The following ATP1B4 variants were observed in gnomAD, a reference collection of about 807,000 sequenced individuals.
ATP1B4 encodes ATPase Na+/K+ transporting family member beta 4.
Under a neutral mutation model 29.6 loss-of-function variants are expected in ATP1B4, and 32 were observed. That is an observed-to-expected ratio of 1.08 (90% CI 0.82 to 1.45). The LOEUF is 1.45. Ranked by LOEUF, ATP1B4 falls within the 40% of genes most tolerant of loss-of-function variation. The pLI is 0.00. For synonymous variants in ATP1B4, 127 were observed against 102.1 expected, an observed-to-expected ratio of 1.24 and a Z score of -1.47; for missense variants, 323 against 276.2, an observed-to-expected ratio of 1.17 and a Z score of -1.20.
rs775155962 is a variant in ATP1B4, at chrX:120,376,438, TA to T, written c.816+5del. 1.4e-5 allele frequency: 17 copies of T among 1,205,684 alleles called. No homozygotes were observed. Among genetic ancestry groups the T allele is most frequent in the Non-Finnish European group, 1.8e-5 (16 of 890,074 alleles). ...GTGAAGGTTTCCTGCAAAGTTCAGGTAAAGAGTCCTTTTGAGTAAGCATTGT... is the reference window on the plus strand; with the variant it reads ...GTGAAGGTTTCCTGCAAAGTTCAGGTAAGAGTCCTTTTGAGTAAGCATTGT... On this transcript the variant is annotated splice_donor_region_variant and intron_variant, in intron 6 of 7. Transcript: ENST00000218008.
intron 4 of ATP1B4, among the ~76,000 whole-genome samples, chrX:120,373,350 C>T (rs2058323548): frequency 8.9e-6 from 1 of 112,400 alleles, no homozygotes; most frequent in South Asian, 3.7e-4. Context: ...AAAATAAAGG[C>T]ATAGCCATAT....
At chrX:120,379,281 T>C (rs1245817205) in intron 7 of ATP1B4, among the ~76,000 whole-genome samples, 192 bp from the exon 8 acceptor site, 2 of 111,781 alleles carry the variant, frequency 1.8e-5, no homozygotes, top group Admixed American at 9.5e-5. Context: ...AGTGACTTGT[T>C]AGAGAAATGT....
chrX:120,377,985 G>A (rs1444880934), intron 6 of ATP1B4, among the ~76,000 whole-genome samples: 2 of 111,993 alleles, frequency 1.8e-5, no homozygotes, highest in East Asian at 5.6e-4. Context: ...ATGTATCACA[G>A]AATGGGCAGC....
In ATP1B4 at chrX:120,381,143, A is replaced by T. The variant is rs921057131; in HGVS notation, c.*1509A>T. The T allele has an allele frequency of 1.6e-4, 18 of 112,405 alleles. No individual in the cohort carries two copies. Among genetic ancestry groups the T allele is most frequent in the African/African-American group, 5.8e-4 (18 of 30,932 alleles). The allele number at this position is 112,405 out of a possible 1,213,427, so 9.3% of individuals were successfully genotyped here. On this transcript the variant is annotated 3_prime_UTR_variant, in exon 8 of 8. Coordinates refer to ENST00000218008, the MANE Select transcript of ATP1B4 (RefSeq NM_001142447.3). ...GTTTAATGAGAGTTAAAAAACTAGT[A>T]TGTGGAAAGCTATGGGAATATGAGG...
intron 2 of ATP1B4, among the ~76,000 whole-genome samples, chrX:120,369,464 A>G (rs186535881): frequency 1.6e-3 from 179 of 112,285 alleles, no homozygotes; most frequent in Non-Finnish European, 2.8e-3. Context: ...AAAAATTAAC[A>G]TTTGGATTCA....
At chrX:120,375,983 G>A (rs1203594450) in intron 5 of ATP1B4, among the ~76,000 whole-genome samples, 1 of 111,758 alleles carries the variant, frequency 8.9e-6, no homozygotes, top group Non-Finnish European at 1.9e-5. Context: ...ATACTGAGCT[G>A]TTTGGAACAG....
At position 120,376,442 on chromosome X, in the gene ATP1B4, G is replaced by C. The variant is rs759102357; in HGVS notation, c.816+6G>C. The C allele has an allele frequency of 1.7e-6, 2 of 1,198,899 alleles. No individual in the cohort carries two copies. The highest frequency in any genetic ancestry group is 1.8e-5 in the South Asian group (1 of 56,418). Reference sequence around the variant, plus strand: ...AGGTTTCCTGCAAAGTTCAGGTAAAGAGTCCTTTTGAGTAAGCATTGTTAG... The same window carrying C: ...AGGTTTCCTGCAAAGTTCAGGTAAACAGTCCTTTTGAGTAAGCATTGTTAG... On this transcript the variant is annotated splice_donor_region_variant and intron_variant, in intron 6 of 7. Transcript: ENST00000218008.
rs1458094005 is a variant in ATP1B4 at position 120,370,859 on chromosome X, T to G, written c.457+16T>G. 1 of 1,204,010 alleles carries G rather than the reference T, an allele frequency of 8.3e-7. No individual in the cohort carries two copies. The highest frequency in any genetic ancestry group is 1.1e-6 in the Non-Finnish European group (1 of 892,311). On this transcript the variant is annotated intron_variant, in intron 3 of 7. Transcript: ENST00000218008. ...AAGCCTCCTGGTGAGTGTGCCCAGA[T>G]GCCCTGTGTTGTCAGAACTTGCTGG...
chrX:120,379,744 A>G lies in ATP1B4; in HGVS notation c.*110A>G. On this transcript the variant is annotated 3_prime_UTR_variant, in exon 8 of 8. Coordinates refer to ENST00000218008, the MANE Select transcript of ATP1B4 (RefSeq NM_001142447.3). ...TTAGGACACAGCCAGATGGACATCT[A>G]AGACAGCCGATCATCTTTCCTTGCC... 1.3e-6 allele frequency: 1 copy of G among 782,645 alleles called. No homozygotes were observed. Among genetic ancestry groups the G allele is most frequent in the East Asian group, 3.5e-5 (1 of 28,903 alleles). The allele number at this position is 782,645 out of a possible 1,213,427, so 64.5% of individuals were successfully genotyped here.
intron 5 of ATP1B4, 80 bp downstream of exon 5, chrX:120,375,648 C>A: frequency 1.1e-6 from 1 of 877,034 alleles, no homozygotes; most frequent in Non-Finnish European, 1.6e-6. Flanking sequence ...TTGTCTTGGT[C>A]TCTGTCTTCA....
chrX:120,368,632 TC>T (rs1162767318), intron 2 of ATP1B4, among the ~76,000 whole-genome samples: 1 of 111,909 alleles, frequency 8.9e-6, no homozygotes. Context: ...GGATTACAAA[TC>T]CTGGTTGGAT....
chrX:120,374,665 A>G (rs1232994063), intron 4 of ATP1B4, among the ~76,000 whole-genome samples: 2 of 25,651 alleles, frequency 7.8e-5, no homozygotes, highest in African/African-American at 1.3e-4. Flanking sequence ...AATATAATAT[A>G]TAATATATAT....
chrX:120,379,548 C>T lies in ATP1B4; in HGVS notation c.988C>T (p.Gln330Ter). 8.3e-7 allele frequency: 1 copy of T among 1,210,915 alleles called. No individual in the cohort carries two copies. Among genetic ancestry groups the T allele is most frequent in the East Asian group, 3.0e-5 (1 of 33,794 alleles). The change falls in exon 8 of 8, where the codon CAA becomes TAA. Residue 330 changes from glutamine (Q) to a stop codon, truncating the protein, a stop_gained. Transcript: ENST00000218008. LOFTEE classifies it high-confidence loss of function. ...VKNQAVPVQC[Q>*]LKGKGVINDV... ...GAACCAAGCAGTGCCTGTGCAGTGC[C>T]AACTGAAGGGCAAAGGCGTCATAAA...
intron 4 of ATP1B4, among the ~76,000 whole-genome samples, chrX:120,373,157 C>T (rs1027901804): frequency 1.8e-5 from 2 of 111,835 alleles, no homozygotes; most frequent in African/African-American, 6.5e-5. Flanking sequence ...CACTTTCACT[C>T]CCATGAGGAC....
chrX:120,379,655 T>C lies in ATP1B4; in HGVS notation c.*21T>C. 8.4e-7 allele frequency: 1 copy of C among 1,186,388 alleles called. No homozygotes were observed. On this transcript the variant is annotated 3_prime_UTR_variant, in exon 8 of 8. Coordinates refer to ENST00000218008, the MANE Select transcript of ATP1B4 (RefSeq NM_001142447.3). The stretch of plus-strand genomic sequence containing the variant: ...CTTAAGAACTTCAGGGGGCCATTCT[T>C]ACCAGTTCTGTTTCTGTTTTATCTC...
rs755064699 is a variant in ATP1B4 at position 120,366,518 on chromosome X, G to A, written c.64-7G>A. 5.8e-6 allele frequency: 7 copies of A among 1,202,550 alleles called. No homozygotes were observed. Among genetic ancestry groups the A allele is most frequent in the Non-Finnish European group, 7.9e-6 (7 of 890,188 alleles). On this transcript the variant is annotated splice_polypyrimidine_tract_variant and splice_region_variant and intron_variant, in intron 1 of 7. Transcript: ENST00000218008. ...AAAAAGGGTATTGTGTTTTGTCACT[G>A]TTCCAGGATGATCCGGATGAAGCGA...
At position 120,379,520 on chromosome X, in the gene ATP1B4, G is replaced by A; in HGVS notation, c.960G>A (p.Val320=). Residue 320 remains valine (V), a synonymous_variant, in exon 8 of 8, where the codon GTG becomes GTA. Transcript: ENST00000218008. ...TGGCAATGCACTTTACAGACGTGGT[G>A]AAGAACCAAGCAGTGCCTGTGCAGT... The part of the protein sequence containing the change: ...PLVAMHFTDV[V]KNQAVPVQCQ... 1 of 1,210,697 alleles carries A rather than the reference G, an allele frequency of 8.3e-7. No homozygotes were observed. Among genetic ancestry groups the A allele is most frequent in the Non-Finnish European group, 1.1e-6 (1 of 894,867 alleles).
chrX:120,378,851 A>T, intron 7 of ATP1B4, 78 bp downstream of exon 7: 1 of 918,165 alleles, frequency 1.1e-6, no homozygotes, highest in African/African-American at 1.9e-5. Context: ...ATCTATGAGA[A>T]TTAGGGAGCA....
chrX:120,377,684 T>C (rs1305853643), intron 6 of ATP1B4, among the ~76,000 whole-genome samples: 1 of 112,100 alleles, frequency 8.9e-6, no homozygotes, highest in Non-Finnish European at 1.9e-5. Flanking sequence ...TTTAATGTTT[T>C]AATTATTATT....
Sources: gnomAD v4.1 joint callset for allele counts (sites outside exome capture counted in the v4.1 genomes callset) on GRCh38, gnomAD v4.1.1 for gene constraint, MANE v1.5 for transcripts, NCBI Gene and HGNC (gene_info 2026-07-23, HGNC 2026-07-21) for gene names.